Variants in CNGA3 observed in about 807,000 individuals in gnomAD.
CNGA3 encodes the protein cyclic nucleotide gated channel subunit alpha 3.
In CNGA3, 42 loss-of-function variants were observed where a neutral mutation model predicts 46.6. The ratio of observed to expected loss-of-function variants is 0.90; its 90% CI spans 0.70 to 1.17. The LOEUF (loss-of-function observed/expected upper bound fraction) is 1.17, where lower values mean the gene tolerates loss of function less well. CNGA3 is among the 50% of genes most tolerant of loss of function. CNGA3 has a pLI of 0.00. For missense variants in CNGA3, 893 were observed against 890.7 expected (o/e 1.00, Z -0.03); for synonymous variants, 394 against 369.4 (o/e 1.07, Z -0.76).
chr2:98,390,153 T>G (rs1481472554), intron 6 of CNGA3, among the ~76,000 whole-genome samples: 16 of 151,558 alleles, frequency 1.1e-4, no homozygotes, highest in African/African-American at 3.6e-4. Flanking sequence ...TTTTTTTTTT[T>G]GAGACAGAGT....
intron 4 of CNGA3, among the ~76,000 whole-genome samples, chr2:98,381,361 G>A (rs556132320): frequency 3.3e-5 from 5 of 152,276 alleles, no homozygotes; most frequent in Admixed American, 2.0e-4. Flanking sequence ...TAATTTGCTA[G>A]AGAAAAAGCT....
chr2:98,370,134 C>A, intron 2 of CNGA3, 58 bp downstream of exon 2: 2 of 1,337,764 alleles, frequency 1.5e-6, no homozygotes, highest in Non-Finnish European at 2.1e-6. Flanking sequence ...ATTTCCACAG[C>A]TGATCTAGAC....
At chr2:98,365,131 C>G (rs62156316) in intron 1 of CNGA3, among the ~76,000 whole-genome samples, 29,063 of 151,610 alleles carry the variant, frequency 0.19, 3,195 homozygotes, top group Non-Finnish European at 0.26. Context: ...TCCGCCTCCC[C>G]GGTTCAAGCG....
chr2:98,358,013 T>G (rs1574360375), intron 1 of CNGA3, among the ~76,000 whole-genome samples: 1 of 152,350 alleles, frequency 6.6e-6, no homozygotes, highest in South Asian at 2.1e-4. Context: ...TTACTGAGGA[T>G]TCACGCGTGA....
In CNGA3 at chr2:98,391,965, G is replaced by A. The variant is rs762668060; in HGVS notation, c.668G>A (p.Arg223Gln). The A allele has an allele frequency of 3.7e-5, 59 of 1,613,512 alleles. No homozygotes were observed. Among genetic ancestry groups the A allele is most frequent in the East Asian group, 8.9e-5 (4 of 44,886 alleles). The change falls in exon 7 of 8, where the codon CGG (arginine) becomes CAG (glutamine). Residue 223 changes from arginine to glutamine, a missense_variant. Around this residue, in one of 3 missense-constraint regions of CNGA3, gnomAD observed 333 missense variants for 290.8 expected, o/e 1.15. Coordinates refer to ENST00000272602, the MANE Select transcript of CNGA3 (RefSeq NM_001298.3). ...LYVLDVLVRA[R>Q]TGFLEQGLMV... ...GTCTTGGATGTGCTTGTACGAGCTC[G>A]GACAGGTGAGTGTGCCCCAGGCCTG... is the stretch of plus-strand genomic sequence containing the variant.
chr2:98,367,185 C>CTTTTTTTTTTTTTTTTTT (rs558997785), intron 1 of CNGA3, among the ~76,000 whole-genome samples: 92 of 95,190 alleles, frequency 9.7e-4, no homozygotes, highest in Admixed American at 1.7e-3. Context: ...TCTTTTTTTT[C>CTTTTTTTTTTTTTTTTTT]TTTTTTTTTT....
intron 1 of CNGA3, among the ~76,000 whole-genome samples, chr2:98,357,457 T>A (rs546244615): frequency 6.6e-6 from 1 of 152,328 alleles, no homozygotes; most frequent in South Asian, 2.1e-4. Flanking sequence ...TTCCTCCCCA[T>A]CCTGCATTGC....
chr2:98,390,677 T>A (rs1692763734), intron 6 of CNGA3, among the ~76,000 whole-genome samples: 1 of 151,894 alleles, frequency 6.6e-6, no homozygotes, highest in African/African-American at 2.4e-5. Context: ...TTTGGGGCAT[T>A]TCTGAGGAAG....
chr2:98,354,161 T>C (rs781372651), intron 1 of CNGA3, among the ~76,000 whole-genome samples: 1 of 152,250 alleles, frequency 6.6e-6, no homozygotes, highest in Non-Finnish European at 1.5e-5. Context: ...GTAAATGCTA[T>C]GTAAATAGTT....
chr2:98,397,031 G>C lies in CNGA3; in HGVS notation c.1861G>C (p.Ala621Pro). The change falls in exon 8 of 8, where the codon GCG (alanine) becomes CCG (proline). Residue 621 changes from alanine (A) to proline (P), a missense_variant. Coordinates refer to ENST00000272602, the MANE Select transcript of CNGA3 (RefSeq NM_001298.3). ...LIDEELARAG[A>P]DPKDLEEKVE... ...CGATGAGGAGCTGGCCAGGGCGGGC[G>C]CGGACCCCAAGGACCTTGAGGAGAA... 1 of 1,614,004 alleles carries C rather than the reference G, an allele frequency of 6.2e-7. No individual in the cohort carries two copies.
Position 98,380,167 on chromosome 2 carries a change from C to T in CNGA3, c.216-8C>T. 1 of 1,614,040 alleles carries T rather than the reference C, an allele frequency of 6.2e-7. No homozygotes were observed. The highest frequency in any genetic ancestry group is 2.2e-5 in the East Asian group (1 of 44,876). On this transcript the variant is annotated splice_polypyrimidine_tract_variant and splice_region_variant and intron_variant, in intron 3 of 7. Transcript: ENST00000272602. ...TCCCTCTGGCTCAGTGCTTGTGTCA[C>T]CTTCCAGGCTGTCGCGCCTCATCTT...
chr2:98,398,149 C>T lies in CNGA3; in HGVS notation c.*894C>T, dbSNP rs540492671. On this transcript the variant is annotated 3_prime_UTR_variant, in exon 8 of 8. Coordinates refer to ENST00000272602, the MANE Select transcript of CNGA3 (RefSeq NM_001298.3). ...CAACTGAGAGTTTTAGAAGATTAGACCATTAGGAACGTATCTTTGCAAACT... is the reference window on the plus strand; with the variant it reads ...CAACTGAGAGTTTTAGAAGATTAGATCATTAGGAACGTATCTTTGCAAACT... 1.3e-5 allele frequency: 2 copies of T among 152,216 alleles called. No homozygotes were observed. The highest frequency in any genetic ancestry group is 2.9e-5 in the Non-Finnish European group (2 of 68,004). The allele number at this position is 152,216 out of a possible 1,614,324, so 9.4% of individuals were successfully genotyped here.
At chr2:98,394,963 C>T (rs1014199173) in intron 7 of CNGA3, among the ~76,000 whole-genome samples, 2 of 152,192 alleles carry the variant, frequency 1.3e-5, no homozygotes, top group African/African-American at 4.8e-5. Context: ...AACCACTGGC[C>T]TCATTGCCTA....
At position 98,378,883 on chromosome 2, in the gene CNGA3, T is replaced by C. The variant is rs188589655; in HGVS notation, c.215+1083T>C. Among the ~76,000 whole-genome samples, 213 of 152,346 alleles carry C rather than the reference T, an allele frequency of 1.4e-3. 1 individual carries two copies. Among genetic ancestry groups the C allele is most frequent in the African/African-American group, 4.9e-3 (205 of 41,582 alleles). ...GAGTTTCATGGTCTTTGTGCTTCTT[T>C]CTGCATGTCCCCTCCATTCTGGCTC... On this transcript the variant is annotated intron_variant, in intron 3 of 7. Transcript: ENST00000272602.
intron 1 of CNGA3, among the ~76,000 whole-genome samples, chr2:98,348,731 T>C (rs1332809937): frequency 6.6e-6 from 1 of 152,222 alleles, no homozygotes; most frequent in Admixed American, 6.5e-5. Context: ...CCTGAATATT[T>C]CTGAGTACAA....
In CNGA3 at chr2:98,362,173, CTTT is replaced by C. The variant is rs1231791527; in HGVS notation, c.-37-7745_-37-7743del. Among the ~76,000 whole-genome samples the C allele has an allele frequency of 5.0e-3, 450 of 89,790 alleles. 1 individual carries two copies. Among genetic ancestry groups the C allele is most frequent in the African/African-American group, 0.018 (420 of 23,618 alleles). The allele number at this position is 89,790 out of a possible 152,430, so 58.9% of individuals were successfully genotyped here. ...AGTGTCTTTTCATGTCCTTTGCCCA[CTTT>C]TTTTTTTTTTTTTTTTTTTTGAGGC... On this transcript the variant is annotated intron_variant, in intron 1 of 7. Coordinates refer to ENST00000272602, the MANE Select transcript of CNGA3 (RefSeq NM_001298.3).
intron 1 of CNGA3, among the ~76,000 whole-genome samples, chr2:98,364,443 T>C (rs59040049): frequency 0.19 from 29,151 of 152,126 alleles, 3,197 homozygotes; most frequent in Non-Finnish European, 0.26. Context: ...CAACCCCTGC[T>C]TTTTTCTCCT....
Position 98,377,949 on chromosome 2 carries a change from AGT to A in CNGA3, c.215+151_215+152del, listed in dbSNP as rs1015235967. 7.4e-6 allele frequency: 10 copies of A among 1,352,554 alleles called. No individual in the cohort carries two copies. The African/African-American group carries it at 1.5e-4, about 20-fold the overall frequency. The allele number at this position is 1,352,554 out of a possible 1,614,324, so 83.8% of individuals were successfully genotyped here. On this transcript the variant is annotated intron_variant, in intron 3 of 7. Coordinates refer to ENST00000272602, the MANE Select transcript of CNGA3 (RefSeq NM_001298.3). ...GGAGCAGAGCAGCCTGAAAACTATC[AGT>A]GAGTAATTTCCTCTTGGGTCAGATG...
At chr2:98,356,812 G>A (rs1333349744) in intron 1 of CNGA3, among the ~76,000 whole-genome samples, 1 of 152,202 alleles carries the variant, frequency 6.6e-6, no homozygotes, top group Non-Finnish European at 1.5e-5. Flanking sequence ...TCGGAAGCAC[G>A]TTCAGTCTAG....
Sources: allele counts gnomAD v4.1 joint callset (sites outside exome capture counted in the v4.1 genomes callset), GRCh38; gene constraint gnomAD v4.1.1; regional missense constraint gnomAD v4.1.1; transcripts MANE v1.5; gene names NCBI Gene and HGNC (gene_info 2026-07-23, HGNC 2026-07-21).